The following GAREM1 variants were observed in gnomAD, a reference collection of about 807,000 sequenced individuals.
GAREM1 encodes the protein GRB2 associated regulator of MAPK1 subtype 1.
Under a neutral mutation model 71.3 loss-of-function variants are expected in GAREM1, and 26 were observed. The ratio of observed to expected loss-of-function variants is 0.36; its 90% confidence interval spans 0.27 to 0.51. The LOEUF (loss-of-function observed/expected upper bound fraction) is 0.51. Among genes scored for constraint, GAREM1 ranks in the 20% least tolerant of loss-of-function variants. The pLI is 0.95. For missense variants in GAREM1, 1,026 were observed against 1,103.1 expected (o/e 0.93, Z 0.99); for synonymous variants, 440 against 433.2 (o/e 1.02, Z -0.20).
intron 4 of GAREM1, among the ~76,000 whole-genome samples, chr18:32,279,364 G>A (rs2041583806): frequency 6.6e-6 from 1 of 152,146 alleles, no homozygotes; most frequent in Non-Finnish European, 1.5e-5. Context: ...TCCATCCCTT[G>A]GATTACTGCC....
At chr18:32,273,602 G>C (rs2041495844) in intron 4 of GAREM1, among the ~76,000 whole-genome samples, 1 of 152,186 alleles carries the variant, frequency 6.6e-6, no homozygotes, top group African/African-American at 2.4e-5. Context: ...GAGGTAGCCA[G>C]GGCCAACTGG....
At chr18:32,323,705 T>C (rs2047450702) in intron 2 of GAREM1, among the ~76,000 whole-genome samples, 1 of 152,140 alleles carries the variant, frequency 6.6e-6, no homozygotes, top group African/African-American at 2.4e-5. Context: ...TAAGACCCTA[T>C]CTCAAATAAA....
rs771028976 is a variant in GAREM1, at chr18:32,268,468, G to C, written c.2034C>G (p.Ala678=). 1 of 1,614,190 alleles carries C rather than the reference G, an allele frequency of 6.2e-7. No homozygotes were observed. Among genetic ancestry groups the C allele is most frequent in the South Asian group, 1.1e-5 (1 of 91,084 alleles). Residue 678 remains alanine, a synonymous_variant, in exon 6 of 6, where the codon GCC becomes GCG. Coordinates refer to ENST00000269209, the MANE Select transcript of GAREM1 (RefSeq NM_001242409.2). The part of the protein sequence containing the change: ...PFDFDGCELL[A]SPTSPVTAEF... ...CTGCAGTGACTGGGCTAGTGGGGCT[G>C]GCCAGGAGCTCACAGCCATCAAAAT...
At chr18:32,424,980 G>C (rs1488840604) in intron 1 of GAREM1, among the ~76,000 whole-genome samples, 1 of 152,104 alleles carries the variant, frequency 6.6e-6, no homozygotes, top group African/African-American at 2.4e-5. Context: ...ACAACAGTAA[G>C]GCCCAAGAAA....
intron 1 of GAREM1, among the ~76,000 whole-genome samples, chr18:32,417,155 C>A (rs943084375): frequency 2.0e-5 from 3 of 152,062 alleles, no homozygotes. Context: ...AAATGCAAAT[C>A]AAAACTACAA....
intron 4 of GAREM1, among the ~76,000 whole-genome samples, chr18:32,277,732 T>C (rs2144435660): frequency 6.6e-6 from 1 of 152,316 alleles, no homozygotes; most frequent in South Asian, 2.1e-4. Context: ...CTTGCTTAGT[T>C]GGGAGGGAAT....
intron 2 of GAREM1, among the ~76,000 whole-genome samples, chr18:32,349,058 A>T (rs2144588772): frequency 6.6e-6 from 1 of 152,342 alleles, no homozygotes; most frequent in Admixed American, 6.5e-5. Context: ...GTAAAATTAT[A>T]GTCAGACTAT....
chr18:32,294,723 T>TA (rs1172764910), intron 3 of GAREM1, among the ~76,000 whole-genome samples: 1 of 152,074 alleles, frequency 6.6e-6, no homozygotes, highest in Non-Finnish European at 1.5e-5. Context: ...TCCAGTGTCT[T>TA]ACTGTAAGGT....
rs951380614 is a variant in GAREM1, at chr18:32,266,100, G to T, written c.*1771C>A. 1 of 151,734 alleles carries T rather than the reference G, an allele frequency of 6.6e-6. No homozygotes were observed. The highest frequency in any genetic ancestry group is 2.4e-5 in the African/African-American group (1 of 41,216). 9.4% of individuals were successfully genotyped at this position (151,734 alleles called of 1,614,324 possible). A position where few individuals can be genotyped will look rare whatever the true frequency, so the allele number is the denominator to read the frequency against. On this transcript the variant is annotated 3_prime_UTR_variant, in exon 6 of 6. Coordinates refer to ENST00000269209, the MANE Select transcript of GAREM1 (RefSeq NM_001242409.2). The stretch of plus-strand genomic sequence containing the variant: ...TTTTTGCCTATAGTATTTACATTTT[G>T]GGAGACACGTTAGGAGAAAAAAAAT...
chr18:32,287,391 G>T lies in GAREM1; in HGVS notation c.1206C>A (p.Asn402Lys). ...CCCCCAGGTCCCTGCAACCATGAAG[G>T]TTCACCTCACTGTTGCCATGGAGAT... The part of the protein sequence containing the change: ...GNNLHGNSEV[N>K]LHGCRDLGGD... The change falls in exon 4 of 6, where the codon AAC (asparagine) becomes AAA (lysine). Residue 402 changes from asparagine (N) to lysine (K), a missense_variant. By Grantham distance (94) the Asn-to-Lys change is moderately conservative. Coordinates refer to ENST00000269209, the MANE Select transcript of GAREM1 (RefSeq NM_001242409.2). This position sits in a 1 kb window ranked among gnomAD's most constrained non-coding sequence, Gnocchi z 5.9. 6.2e-7 allele frequency: 1 copy of T among 1,614,244 alleles called. No individual in the cohort carries two copies. The highest frequency in any genetic ancestry group is 8.5e-7 in the Non-Finnish European group (1 of 1,180,040).
intron 1 of GAREM1, among the ~76,000 whole-genome samples, chr18:32,397,694 C>A (rs1310013921): frequency 6.6e-6 from 1 of 152,154 alleles, no homozygotes; most frequent in East Asian, 1.9e-4. Flanking sequence ...AACTCCCACA[C>A]AATAATAATG....
chr18:32,464,589 A>C (rs1157516432), intron 1 of GAREM1, among the ~76,000 whole-genome samples: 2 of 152,198 alleles, frequency 1.3e-5, no homozygotes, highest in Non-Finnish European at 2.9e-5. Flanking sequence ...TCTGATAAAG[A>C]CCTTTCGCCA....
intron 2 of GAREM1, among the ~76,000 whole-genome samples, chr18:32,361,285 A>T (rs1287109630): frequency 6.6e-6 from 1 of 152,164 alleles, no homozygotes; most frequent in Admixed American, 6.5e-5. Flanking sequence ...CTACTTCCTC[A>T]TTCACTTTTT....
chr18:32,323,561 T>C (rs763993602), intron 2 of GAREM1, among the ~76,000 whole-genome samples: 2 of 152,054 alleles, frequency 1.3e-5, no homozygotes, highest in Non-Finnish European at 2.9e-5. Flanking sequence ...TTAGCCAACT[T>C]AGCCAAGTGT....
At chr18:32,444,804 G>C (rs1478872089) in intron 1 of GAREM1, among the ~76,000 whole-genome samples, 1 of 152,074 alleles carries the variant, frequency 6.6e-6, no homozygotes, top group Non-Finnish European at 1.5e-5. Flanking sequence ...GCAAATTCTA[G>C]ATTGAATGCA....
chr18:32,352,708 G>A (rs1319846314), intron 2 of GAREM1, among the ~76,000 whole-genome samples: 4 of 152,138 alleles, frequency 2.6e-5, no homozygotes, highest in Non-Finnish European at 4.4e-5. Context: ...GATCACAGCT[G>A]GGAACACCTG....
At chr18:32,313,766 A>G (rs2047348625) in intron 2 of GAREM1, among the ~76,000 whole-genome samples, 1 of 152,176 alleles carries the variant, frequency 6.6e-6, no homozygotes, top group South Asian at 2.1e-4. Context: ...AGGAAGAATA[A>G]AGAGACCACT....
At chr18:32,387,879 TGA>T (rs1296190306) in intron 2 of GAREM1, among the ~76,000 whole-genome samples, 1 of 152,186 alleles carries the variant, frequency 6.6e-6, no homozygotes, top group Non-Finnish European at 1.5e-5. Context: ...TTTAAAACGC[TGA>T]GTTTTATTGC....
chr18:32,437,779 T>A (rs1027879762), intron 1 of GAREM1, among the ~76,000 whole-genome samples: 26 of 152,162 alleles, frequency 1.7e-4, no homozygotes, highest in African/African-American at 6.3e-4. Context: ...TATTAAAAGA[T>A]CCCACATAGA....
Sources: gnomAD v4.1 joint callset for allele counts (sites outside exome capture counted in the v4.1 genomes callset) on GRCh38, gnomAD v4.1.1 for gene constraint, Gnocchi (gnomAD v3.1) non-coding constraint, MANE v1.5 for transcripts, NCBI Gene and HGNC (gene_info 2026-07-23, HGNC 2026-07-21) for gene names.